The following RAB17 variants were observed in gnomAD, a reference collection of about 807,000 sequenced individuals.
RAB17 encodes the protein ras-related protein Rab-17.
In RAB17, 15 loss-of-function variants were observed where a neutral mutation model predicts 19.3. The observed-to-expected ratio is 0.78, with a 90% CI of 0.52 to 1.20. RAB17 has a LOEUF of 1.20. Ranked by LOEUF, RAB17 falls within the 50% of genes most tolerant of loss-of-function variation. The probability of loss-of-function intolerance (pLI) is 0.00; values close to 1 mark genes in which losing one functional copy is unlikely to be tolerated. For synonymous variants in RAB17, 110 were observed against 112.8 expected, an observed-to-expected ratio of 0.97 and a Z score of 0.16; for missense variants, 262 against 269.3, an observed-to-expected ratio of 0.97 and a Z score of 0.19.
intron 1 of RAB17, among the ~76,000 whole-genome samples, chr2:237,589,347 T>C (rs1367449927): frequency 6.6e-6 from 1 of 152,182 alleles, no homozygotes; most frequent in East Asian, 1.9e-4. Flanking sequence ...TTTCTATGAC[T>C]CCTAAAAACA....
chr2:237,583,566 G>A (rs1375832477), intron 2 of RAB17, among the ~76,000 whole-genome samples: 4 of 152,136 alleles, frequency 2.6e-5, no homozygotes, highest in Admixed American at 6.5e-5. Flanking sequence ...ACAAAAGTGC[G>A]GACCCCAGGG....
At chr2:237,580,678 G>C (rs1381417138) in intron 2 of RAB17, among the ~76,000 whole-genome samples, 4 of 151,642 alleles carry the variant, frequency 2.6e-5, no homozygotes, top group Non-Finnish European at 5.9e-5. Flanking sequence ...GGTGGAGGTT[G>C]CAGCGAGCCA....
Position 237,587,762 on chromosome 2 carries a change from A to G in RAB17, c.-3-1605T>C, listed in dbSNP as rs987147399. ...TCTTAGCTGGAAATACTCAAGTTTC[A>G]CCATCAAGTATGATGCTGGCTTCAG... On this transcript the variant is annotated intron_variant, in intron 1 of 5. Coordinates refer to ENST00000264601, the MANE Select transcript of RAB17 (RefSeq NM_022449.4). Among the ~76,000 whole-genome samples, 8 of 151,976 alleles carry G rather than the reference A, an allele frequency of 5.3e-5. No individual in the cohort carries two copies. In the South Asian group the frequency reaches 1.5e-3, roughly 28 times the overall value.
intron 2 of RAB17, chr2:237,578,426 G>T: frequency 3.0e-6 from 1 of 336,622 alleles, no homozygotes; most frequent in East Asian, 4.7e-5. Context: ...TAATACAAAA[G>T]CTCTGGGCTA....
In RAB17 at chr2:237,587,832, TA is replaced by T. The variant is rs35797930; in HGVS notation, c.-3-1676del. Reference sequence around the variant, plus strand: ...CATTAAGTTTTCCATCTGTGTTTCTTAAAAAAAAAAAAAAGAAAAGAAAAAG... The same window carrying T: ...CATTAAGTTTTCCATCTGTGTTTCTTAAAAAAAAAAAAAGAAAAGAAAAAG... On this transcript the variant is annotated intron_variant, in intron 1 of 5. Transcript: ENST00000264601. Among the ~76,000 whole-genome samples, 1,031 of 116,910 alleles carry T rather than the reference TA, an allele frequency of 8.8e-3. 7 individuals are homozygous for T. Among genetic ancestry groups the T allele is most frequent in the African/African-American group, 0.028 (738 of 26,766 alleles). 76.7% of individuals were successfully genotyped at this position (116,910 alleles called of 152,430 possible).
At chr2:237,579,728 A>AGACAGAGAACAGGAGGCTG (rs149945290) in intron 2 of RAB17, among the ~76,000 whole-genome samples, 65,280 of 149,804 alleles carry the variant, frequency 0.44, 17,957 homozygotes, top group African/African-American at 0.78. Context: ...TGCACCCACT[A>AGACAGAGAACAGGAGGCTG]GACAGAGAAC....
At position 237,575,142 on chromosome 2, in the gene RAB17, G is replaced by C; in HGVS notation, c.530-14C>G. Reference sequence around the variant, plus strand: ...GTAGCTCTTGGGCTGTGAACAGCAAGAGGAGGGGGCTGGCTAGGGAGGGAA... The same window carrying C: ...GTAGCTCTTGGGCTGTGAACAGCAACAGGAGGGGGCTGGCTAGGGAGGGAA... On this transcript the variant is annotated splice_polypyrimidine_tract_variant and intron_variant, in intron 5 of 5. Transcript: ENST00000264601. The C allele has an allele frequency of 6.2e-7, 1 of 1,605,908 alleles. No homozygotes were observed. Among genetic ancestry groups the C allele is most frequent in the Non-Finnish European group, 8.5e-7 (1 of 1,174,126 alleles).
chr2:237,577,334 G>C lies in RAB17; in HGVS notation c.358C>G (p.Leu120Val). ...QQWLKDLEEE[L>V]HPGEVLVMLV... ...ATCACCAGGACTTCTCCTGGGTGCA[G>C]CTCCTCCTCCAGGTCCTTCAGCCAC... Residue 120 changes from leucine (L) to valine (V), a missense_variant, in exon 4 of 6, where the codon CTG becomes GTG. By Grantham distance (32) the Leu-to-Val change is conservative. Coordinates refer to ENST00000264601, the MANE Select transcript of RAB17 (RefSeq NM_022449.4). 6.2e-7 allele frequency: 1 copy of C among 1,613,876 alleles called. No individual in the cohort carries two copies. The highest frequency in any genetic ancestry group is 8.5e-7 in the Non-Finnish European group (1 of 1,179,836).
Position 237,575,476 on chromosome 2 carries a change from C to T in RAB17, c.440G>A (p.Gly147Glu), listed in dbSNP as rs1413859868. The T allele has an allele frequency of 6.2e-7, 1 of 1,608,814 alleles. No homozygotes were observed. Among genetic ancestry groups the T allele is most frequent in the South Asian group, 1.1e-5 (1 of 89,932 alleles). The change falls in exon 5 of 6, where the codon GGG becomes GAG. Residue 147 changes from glycine to glutamate, a missense_variant. Coordinates refer to ENST00000264601, the MANE Select transcript of RAB17 (RefSeq NM_022449.4). Reference protein sequence around the residue: ...SQEREVTFQEGKEFADSQKLL... With the variant: ...SQEREVTFQEEKEFADSQKLL... ...CTTCTGGCTGTCGGCAAACTCCTTC[C>T]CTTCCTGAAGGAAACAGCCACAAAA...
At chr2:237,585,758 C>T (rs1004207327) in intron 2 of RAB17, among the ~76,000 whole-genome samples, 12 of 152,308 alleles carry the variant, frequency 7.9e-5, no homozygotes, top group African/African-American at 2.9e-4. Context: ...AATCTCCACC[C>T]CCTGCAGACT....
intron 2 of RAB17, among the ~76,000 whole-genome samples, chr2:237,580,401 C>T (rs2081298943): frequency 6.6e-6 from 1 of 152,200 alleles, no homozygotes; most frequent in African/African-American, 2.4e-5. Flanking sequence ...TTTCTTCCTC[C>T]ATTTACCAAT....
chr2:237,586,746 A>G (rs1468966110), intron 1 of RAB17, among the ~76,000 whole-genome samples: 1 of 152,120 alleles, frequency 6.6e-6, no homozygotes, highest in African/African-American at 2.4e-5. Flanking sequence ...ACCCCTGCGT[A>G]TTTTTCATCA....
In RAB17 at chr2:237,574,755, A is replaced by C; in HGVS notation, c.*264T>G. The stretch of plus-strand genomic sequence containing the variant: ...TGCCAGGCTGAGGGGGCCACCGTCC[A>C]GGTGGAACAGGCACAGGCATCGGGG... On this transcript the variant is annotated 3_prime_UTR_variant, in exon 6 of 6. Coordinates refer to ENST00000264601, the MANE Select transcript of RAB17 (RefSeq NM_022449.4). 1 of 1,246,598 alleles carries C rather than the reference A, an allele frequency of 8.0e-7. No individual in the cohort carries two copies. The highest frequency in any genetic ancestry group is 1.1e-6 in the Non-Finnish European group (1 of 938,146). The allele number at this position is 1,246,598 out of a possible 1,614,324, so 77.2% of individuals were successfully genotyped here.
At chr2:237,588,442 C>A (rs1192311689) in intron 1 of RAB17, among the ~76,000 whole-genome samples, 3 of 152,186 alleles carry the variant, frequency 2.0e-5, no homozygotes, top group Non-Finnish European at 4.4e-5. Flanking sequence ...GCATCTGAGG[C>A]ACAGTGAGAG....
chr2:237,575,041 TG>T lies in RAB17; in HGVS notation c.616del (p.Gln206ArgfsTer32). On this transcript the variant is annotated frameshift_variant, in exon 6 of 6. Transcript: ENST00000264601. LOFTEE classifies it high-confidence loss of function. ...AVALNKGPAR[Q>X]AKCCAH is the part of the protein sequence containing the mutation. ...CACCTAGTGGGCGCAGCATTTGGCC[TG>T]CCTCGCGGGCCCCTTGTTCAGAGCC... The T allele has an allele frequency of 6.2e-7, 1 of 1,612,936 alleles. No homozygotes were observed.
chr2:237,577,468 T>A, intron 3 of RAB17, 86 bp from the exon 4 acceptor site: 1 of 1,440,038 alleles, frequency 6.9e-7, no homozygotes, highest in South Asian at 1.3e-5. Context: ...GTGTTGCTGA[T>A]CACGTTGTGT....
At position 237,590,461 on chromosome 2, in the gene RAB17, A is replaced by G. The variant is rs1410514897; in HGVS notation, c.-4+6T>C. ...AAAGGGCACAGAGGTTTAAACAATG[A>G]CTCACCTGTTCCCCAGGCCCGGTCA... On this transcript the variant is annotated splice_donor_region_variant and intron_variant, in intron 1 of 5. Transcript: ENST00000264601. 6.6e-6 allele frequency: 1 copy of G among 152,128 alleles called. No homozygotes were observed. The highest frequency in any genetic ancestry group is 1.5e-5 in the Non-Finnish European group (1 of 68,148). The allele number at this position is 152,128 out of a possible 1,614,324, so 9.4% of individuals were successfully genotyped here.
intron 5 of RAB17, 47 bp downstream of exon 5, chr2:237,575,340 A>G (rs1004762980): frequency 1.4e-5 from 20 of 1,477,266 alleles, no homozygotes; most frequent in Admixed American, 1.8e-5. Flanking sequence ...GAAGTTGGTC[A>G]GGGACAAGCA....
At chr2:237,585,162 G>A (rs867098487) in intron 2 of RAB17, among the ~76,000 whole-genome samples, 1 of 150,196 alleles carries the variant, frequency 6.7e-6, no homozygotes, top group Non-Finnish European at 1.5e-5. Flanking sequence ...ACCTAACGCA[G>A]GCCTGCAAAA....
Sources: allele counts gnomAD v4.1 joint callset (sites outside exome capture counted in the v4.1 genomes callset), GRCh38; gene constraint gnomAD v4.1.1; transcripts MANE v1.5; gene names NCBI Gene and HGNC (gene_info 2026-07-23, HGNC 2026-07-21).